The following DIP2C variants were observed in gnomAD, a reference collection of about 807,000 sequenced individuals.
DIP2C encodes disco-interacting protein 2 homolog C.
A neutral mutation model predicts 192.4 loss-of-function variants in DIP2C; 33 were observed. The ratio of observed to expected loss-of-function variants is 0.17; its 90% CI spans 0.13 to 0.23. The LOEUF is 0.23. DIP2C is among the 10% of genes least tolerant of loss of function. DIP2C has a pLI of 1.00. For synonymous variants in DIP2C, 979 were observed against 864.1 expected, an observed-to-expected ratio of 1.13 and a Z score of -2.33; for missense variants, 1,537 against 2,110.1, an observed-to-expected ratio of 0.73 and a Z score of 5.32.
chr10:487,281 C>T (rs535977426), intron 1 of DIP2C, among the ~76,000 whole-genome samples: 31 of 152,318 alleles, frequency 2.0e-4, no homozygotes, highest in Non-Finnish European at 4.0e-4. Context: ...GTATTGTTTT[C>T]TAAGACTGAT....
chr10:548,425 C>T (rs190607492), intron 1 of DIP2C, among the ~76,000 whole-genome samples: 5 of 136,686 alleles, frequency 3.7e-5, no homozygotes, highest in Middle Eastern at 3.6e-3. Context: ...CAGCAGGAGC[C>T]GCGGAGGCCA....
At chr10:572,060 C>A (rs1309837215) in intron 1 of DIP2C, among the ~76,000 whole-genome samples, 2 of 152,212 alleles carry the variant, frequency 1.3e-5, no homozygotes, top group Non-Finnish European at 2.9e-5. Context: ...GGGGTGTTTT[C>A]CTCTCTGAAA....
At chr10:552,330 G>A (rs565354234) in intron 1 of DIP2C, among the ~76,000 whole-genome samples, 10 of 152,162 alleles carry the variant, frequency 6.6e-5, no homozygotes, top group Non-Finnish European at 1.2e-4. Context: ...GGAACAGATC[G>A]GTCTATTTCA....
At chr10:566,492 A>G (rs893479535) in intron 1 of DIP2C, among the ~76,000 whole-genome samples, 12 of 152,304 alleles carry the variant, frequency 7.9e-5, no homozygotes, top group Middle Eastern at 6.8e-3. Flanking sequence ...CCGCACACTG[A>G]TATTTTTACA....
intron 1 of DIP2C, among the ~76,000 whole-genome samples, chr10:596,764 A>G (rs549308747): frequency 2.7e-4 from 41 of 152,282 alleles, no homozygotes; most frequent in African/African-American, 9.6e-4. Flanking sequence ...CGTCTGAGAA[A>G]TAAGGAGCCA....
At position 581,198 on chromosome 10, in the gene DIP2C, CT is replaced by C. The variant is rs1850629639; in HGVS notation, c.86-94669del. ...ACTTAGACGCTTTCTGATACTTACT[CT>C]AGTCTACTTGTTTCCCTTTCTTGAA... On this transcript the variant is annotated intron_variant, in intron 1 of 36. Transcript: ENST00000280886. Among the ~76,000 whole-genome samples, 11 of 152,318 alleles carry C rather than the reference CT, an allele frequency of 7.2e-5. No individual in the cohort carries two copies. In the South Asian group the frequency reaches 1.7e-3, roughly 23 times the overall value.
At chr10:392,564 C>T (rs1013849571) in intron 10 of DIP2C, among the ~76,000 whole-genome samples, 1 of 152,124 alleles carries the variant, frequency 6.6e-6, no homozygotes. Context: ...GTGTAGAGTG[C>T]CCCCCGCGGC....
At position 363,342 on chromosome 10, in the gene DIP2C, C is replaced by A. The variant is rs558228579; in HGVS notation, c.2478-31G>T. The A allele has an allele frequency of 3.8e-6, 6 of 1,591,774 alleles. No homozygotes were observed. Among genetic ancestry groups the A allele is most frequent in the Non-Finnish European group, 5.1e-6 (6 of 1,167,120 alleles). On this transcript the variant is annotated intron_variant, in intron 20 of 36. Coordinates refer to ENST00000280886, the MANE Select transcript of DIP2C (RefSeq NM_014974.3). The surrounding 1 kb of genome is among the most constrained non-coding windows in gnomAD (Gnocchi z 5.4). ...GGGACACAGGAGCATGGTGAGCACG[C>A]GCCGGGGACGCTCATGCAGCCCTCC...
rs1854822673 is a variant in DIP2C at position 636,164 on chromosome 10, G to A, written c.85+53330C>T. ...AAGGAAAACTAGGTGGTGAACCCAG[G>A]AGGAGGAAATCCCCACAAGTCGACA... is the stretch of plus-strand genomic sequence containing the variant. On this transcript the variant is annotated intron_variant, in intron 1 of 36. Coordinates refer to ENST00000280886, the MANE Select transcript of DIP2C (RefSeq NM_014974.3). The surrounding 1 kb of genome is among the most constrained non-coding windows in gnomAD (Gnocchi z 4.6). 6.6e-6 allele frequency among the ~76,000 whole-genome samples: 1 copy of A among 152,166 alleles called. No individual in the cohort carries two copies. The highest frequency in any genetic ancestry group is 1.5e-5 in the Non-Finnish European group (1 of 68,032).
At chr10:655,509 G>A (rs1392977446) in intron 1 of DIP2C, among the ~76,000 whole-genome samples, 1 of 151,974 alleles carries the variant, frequency 6.6e-6, no homozygotes, top group African/African-American at 2.4e-5. Context: ...AATACTCACT[G>A]TCCTCTCTGT....
intron 5 of DIP2C, among the ~76,000 whole-genome samples, chr10:422,560 A>G (rs560046304): frequency 1.3e-5 from 2 of 152,340 alleles, no homozygotes; most frequent in East Asian, 3.9e-4. Flanking sequence ...ATGTAGGAGC[A>G]TAAGTGAGAA....
At chr10:453,938 C>A (rs1969068530) in intron 3 of DIP2C, among the ~76,000 whole-genome samples, 1 of 152,232 alleles carries the variant, frequency 6.6e-6, no homozygotes, top group South Asian at 2.1e-4. Context: ...AGCCTCTGTG[C>A]ACAGCCCTGA....
chr10:558,430 G>A (rs529276501), intron 1 of DIP2C, among the ~76,000 whole-genome samples: 23 of 152,298 alleles, frequency 1.5e-4, no homozygotes, highest in South Asian at 4.1e-4. Context: ...TCAGAAATGC[G>A]TAAAGGAAGG....
intron 4 of DIP2C, chr10:430,439 CAA>C (rs950843979): frequency 2.6e-5 from 4 of 152,244 alleles, no homozygotes; most frequent in African/African-American, 9.6e-5. Context: ...CTCCTGGACT[CAA>C]GTGATCCTCC....
At chr10:420,865 C>G (rs1489856762) in intron 5 of DIP2C, among the ~76,000 whole-genome samples, 1 of 152,184 alleles carries the variant, frequency 6.6e-6, no homozygotes, top group Non-Finnish European at 1.5e-5. Flanking sequence ...GCCTCCACTT[C>G]TGTCCCTTGC....
intron 17 of DIP2C, among the ~76,000 whole-genome samples, chr10:378,682 C>A (rs1454344719): frequency 6.6e-6 from 1 of 151,436 alleles, no homozygotes; most frequent in Non-Finnish European, 1.5e-5. Context: ...CACACATGAA[C>A]AGACATGCAT....
chr10:405,010 A>G (rs1964700883), intron 9 of DIP2C, among the ~76,000 whole-genome samples: 1 of 152,218 alleles, frequency 6.6e-6, no homozygotes, highest in Non-Finnish European at 1.5e-5. Context: ...CCTAAGGCGG[A>G]CCAAAAAACA....
intron 9 of DIP2C, among the ~76,000 whole-genome samples, chr10:401,923 A>G (rs1964483585): frequency 6.6e-6 from 1 of 150,630 alleles, no homozygotes; most frequent in Non-Finnish European, 1.5e-5. Context: ...GTGTGGTAGC[A>G]TTAGCGTTAC....
At chr10:349,942 G>A (rs537794308) in intron 24 of DIP2C, among the ~76,000 whole-genome samples, 13 of 152,256 alleles carry the variant, frequency 8.5e-5, no homozygotes, top group Non-Finnish European at 1.5e-4. Flanking sequence ...CACCCTACAG[G>A]AATGAAAAGA....
Sources: allele counts gnomAD v4.1 joint callset (sites outside exome capture counted in the v4.1 genomes callset), GRCh38; gene constraint gnomAD v4.1.1; non-coding constraint Gnocchi (gnomAD v3.1); transcripts MANE v1.5; gene names NCBI Gene and HGNC (gene_info 2026-07-23, HGNC 2026-07-21).